Variants in IFNAR2 observed in about 807,000 individuals in gnomAD.
IFNAR2 encodes the protein interferon alpha/beta receptor 2.
In IFNAR2, 30 loss-of-function variants were observed where a neutral mutation model predicts 49.4. The observed-to-expected ratio is 0.61, with a 90% CI of 0.45 to 0.82. The LOEUF (loss-of-function observed/expected upper bound fraction) is 0.82, where lower values mean the gene tolerates loss of function less well. Ranked by LOEUF, IFNAR2 falls within the 40% of genes least tolerant of loss-of-function variation. The pLI is 0.00. For missense variants in IFNAR2, 600 were observed against 622.7 expected, an observed-to-expected ratio of 0.96 and a Z score of 0.39; for synonymous variants, 224 against 234.5, an observed-to-expected ratio of 0.96 and a Z score of 0.41.
Position 33,243,678 on chromosome 21 carries a change from A to G in IFNAR2, c.61A>G (p.Ile21Val), listed in dbSNP as rs1987169015. 1 of 1,613,390 alleles carries G rather than the reference A, an allele frequency of 6.2e-7. No individual in the cohort carries two copies. The highest frequency in any genetic ancestry group is 1.7e-5 in the Admixed American group (1 of 60,014). ...RSLNLVLMVY[I>V]SLVFGISYDS... ...ATGTGTTTTCTTCCTTCTAGTGTATATCAGCCTCGTGTTTGGTATTTCATA... is the reference window on the plus strand; with the variant it reads ...ATGTGTTTTCTTCCTTCTAGTGTATGTCAGCCTCGTGTTTGGTATTTCATA... Residue 21 changes from isoleucine (I) to valine (V), a missense_variant, in exon 3 of 9, where the codon ATC (isoleucine) becomes GTC (valine). By Grantham distance (29) the Ile-to-Val change is conservative. Coordinates refer to ENST00000342136, the MANE Select transcript of IFNAR2 (RefSeq NM_001289125.3).
rs557762324 is a variant in IFNAR2, at chr21:33,252,508, ATTAC to A, written c.541-151_541-148del. 5.0e-4 allele frequency: 494 copies of A among 985,266 alleles called. 4 individuals carry two copies. In the African/African-American group the frequency reaches 8.1e-3, roughly 16 times the overall value. The allele number at this position is 985,266 out of a possible 1,614,324, so 61.0% of individuals were successfully genotyped here. On this transcript the variant is annotated intron_variant, in intron 6 of 8. Coordinates refer to ENST00000342136, the MANE Select transcript of IFNAR2 (RefSeq NM_001289125.3). ...GCATGTAGGTGTAGTTTTCTGATAA[ATTAC>A]TTGCTCCAGATGACTTATAAATCCT...
chr21:33,249,838 C>G (rs1197569599), intron 6 of IFNAR2, among the ~76,000 whole-genome samples: 1 of 152,112 alleles, frequency 6.6e-6, no homozygotes, highest in Admixed American at 6.5e-5. Context: ...GGCTCTGAGG[C>G]TGGAGTGGGC....
At chr21:33,249,948 T>C (rs1987726438) in intron 6 of IFNAR2, among the ~76,000 whole-genome samples, 1 of 151,956 alleles carries the variant, frequency 6.6e-6, no homozygotes, top group Non-Finnish European at 1.5e-5. Context: ...TGGCTGGACC[T>C]GGTAGGAGTT....
intron 1 of IFNAR2, among the ~76,000 whole-genome samples, chr21:33,235,937 A>T (rs1005101458): frequency 6.6e-6 from 1 of 152,190 alleles, no homozygotes; most frequent in Non-Finnish European, 1.5e-5. Flanking sequence ...AAAAAATAAA[A>T]TAAAATAAAA....
chr21:33,253,818 T>G (rs1244946002), intron 7 of IFNAR2, among the ~76,000 whole-genome samples: 1 of 152,110 alleles, frequency 6.6e-6, no homozygotes, highest in Non-Finnish European at 1.5e-5. Context: ...CTGGTGAGAG[T>G]GTGGCAGTGA....
At chr21:33,261,735 G>A (rs2123535072) in intron 8 of IFNAR2, among the ~76,000 whole-genome samples, 1 of 152,150 alleles carries the variant, frequency 6.6e-6, no homozygotes, top group Non-Finnish European at 1.5e-5. Context: ...AATTAGCCAG[G>A]CATGCTGGCA....
chr21:33,255,998 T>G (rs1227385090), intron 7 of IFNAR2, among the ~76,000 whole-genome samples: 1 of 152,186 alleles, frequency 6.6e-6, no homozygotes, highest in African/African-American at 2.4e-5. Flanking sequence ...ATATGTATAT[T>G]TTATTATATC....
intron 1 of IFNAR2, among the ~76,000 whole-genome samples, chr21:33,239,426 G>C (rs1030112340): frequency 6.6e-6 from 1 of 152,114 alleles, no homozygotes; most frequent in African/African-American, 2.4e-5. Flanking sequence ...TTCCCCCTCC[G>C]GCCCAGAGTG....
intron 1 of IFNAR2, among the ~76,000 whole-genome samples, chr21:33,236,252 C>G (rs1986444827): frequency 6.6e-6 from 1 of 152,154 alleles, no homozygotes; most frequent in Non-Finnish European, 1.5e-5. Context: ...CCTGGGGCCC[C>G]TCTGCCCTGG....
intron 1 of IFNAR2, among the ~76,000 whole-genome samples, chr21:33,237,487 A>G (rs1986570487): frequency 6.6e-6 from 1 of 151,772 alleles, no homozygotes; most frequent in Non-Finnish European, 1.5e-5. Flanking sequence ...GTGAGCCGAG[A>G]TCACACCACT....
intron 1 of IFNAR2, 106 bp from the exon 2 acceptor site, chr21:33,241,734 G>A (rs2038366094): frequency 6.9e-6 from 5 of 720,060 alleles, no homozygotes; most frequent in African/African-American, 1.8e-5. Flanking sequence ...GGGCCCAGAA[G>A]CTGAGACCAG....
intron 1 of IFNAR2, among the ~76,000 whole-genome samples, chr21:33,238,536 ATTC>A (rs1986657910): frequency 1.3e-5 from 2 of 152,172 alleles, no homozygotes; most frequent in Non-Finnish European, 2.9e-5. Context: ...GCTCCTTAAA[ATTC>A]TTCTTGAAGA....
chr21:33,235,059 A>G (rs770796704), intron 1 of IFNAR2, among the ~76,000 whole-genome samples: 1 of 152,204 alleles, frequency 6.6e-6, no homozygotes, highest in African/African-American at 2.4e-5. Flanking sequence ...GCATGTTGCC[A>G]TGGCATTTGT....
At chr21:33,262,060 A>G (rs375587574) in intron 8 of IFNAR2, among the ~76,000 whole-genome samples, 1 of 152,008 alleles carries the variant, frequency 6.6e-6, no homozygotes, top group African/African-American at 2.4e-5. Flanking sequence ...TCTCATCTGT[A>G]AAGTGGGCAT....
chr21:33,243,968 T>C (rs755625967), intron 3 of IFNAR2, among the ~76,000 whole-genome samples: 22 of 152,230 alleles, frequency 1.4e-4, no homozygotes, highest in Admixed American at 2.6e-4. Context: ...CTCTTAATAA[T>C]CTCACTAATA....
intron 8 of IFNAR2, chr21:33,262,574 C>A (rs1988690065): frequency 1.4e-6 from 1 of 721,450 alleles, no homozygotes; most frequent in Non-Finnish European, 2.5e-6. Context: ...CAAGGTCTCG[C>A]TAAGGGCTGG....
chr21:33,255,165 TTC>T (rs1376839107), intron 7 of IFNAR2, among the ~76,000 whole-genome samples: 2 of 152,226 alleles, frequency 1.3e-5, no homozygotes, highest in Non-Finnish European at 2.9e-5. Context: ...TGCATATAGA[TTC>T]TGACTATAGC....
chr21:33,250,299 A>G (rs1031324587), intron 6 of IFNAR2, among the ~76,000 whole-genome samples: 20 of 152,150 alleles, frequency 1.3e-4, no homozygotes, highest in Non-Finnish European at 1.8e-4. Flanking sequence ...AACTAACTCT[A>G]TGTTTTAGAT....
intron 1 of IFNAR2, among the ~76,000 whole-genome samples, chr21:33,234,183 C>CTGTGTG (rs61686449): frequency 0.15 from 20,621 of 140,568 alleles, 1,509 homozygotes; most frequent in African/African-American, 0.17. Flanking sequence ...AACAGAAACA[C>CTGTGTG]TGTGTGTGTG....
Sources: allele counts gnomAD v4.1 joint callset (sites outside exome capture counted in the v4.1 genomes callset), GRCh38; gene constraint gnomAD v4.1.1; transcripts MANE v1.5; gene names NCBI Gene and HGNC (gene_info 2026-07-23, HGNC 2026-07-21).